The following C2orf76 variants were observed in gnomAD, a reference collection of about 807,000 sequenced individuals.
C2orf76 encodes chromosome 2 open reading frame 76.
Under a neutral mutation model 16.9 loss-of-function variants are expected in C2orf76, and 23 were observed. The observed-to-expected ratio is 1.36, with a 90% CI of 0.98 to 1.93. The LOEUF (loss-of-function observed/expected upper bound fraction) is 1.93. Ranked by LOEUF, C2orf76 falls within the 30% of genes most tolerant of loss-of-function variation. The probability of loss-of-function intolerance (pLI) is 0.00; values close to 1 mark genes in which losing one functional copy is unlikely to be tolerated. For synonymous variants in C2orf76, 48 were observed against 52.3 expected (o/e 0.92, Z 0.35); for missense variants, 152 against 152.6 (o/e 1.00, Z 0.02).
At chr2:119,311,076 G>T (rs185523504) in intron 5 of C2orf76, 2 of 806,016 alleles carry the variant, frequency 2.5e-6, no homozygotes, top group African/African-American at 1.9e-5. Context: ...CACAAAACAT[G>T]TCACATAACA....
chr2:119,365,842 A>G (rs1573704513), intron 1 of C2orf76, among the ~76,000 whole-genome samples: 1 of 151,978 alleles, frequency 6.6e-6, no homozygotes, highest in East Asian at 1.9e-4. Context: ...CCGTCTCCTC[A>G]TCCTCTTTTC....
the C2orf76 span, among the ~76,000 whole-genome samples, chr2:119,294,538 C>T: frequency 2.0e-5 from 3 of 151,936 alleles, no homozygotes; most frequent in East Asian, 1.9e-4. Context: ...AGCCCAGGCA[C>T]GAGGGAGGAC....
chr2:119,355,169 C>T (rs1325429607), intron 1 of C2orf76, among the ~76,000 whole-genome samples: 1 of 152,218 alleles, frequency 6.6e-6, no homozygotes, highest in African/African-American at 2.4e-5. Context: ...ATATTTCATA[C>T]ACTTTCTTAA....
At chr2:119,337,088 C>T (rs1173926033) in intron 2 of C2orf76, among the ~76,000 whole-genome samples, 2 of 150,864 alleles carry the variant, frequency 1.3e-5, no homozygotes, top group East Asian at 3.9e-4. Flanking sequence ...CACAGGCTTG[C>T]TCTGTGGTCC....
chr2:119,331,282 ACT>A (rs1679669567), intron 2 of C2orf76, among the ~76,000 whole-genome samples: 19 of 152,170 alleles, frequency 1.2e-4, no homozygotes, highest in Admixed American at 1.2e-3. Flanking sequence ...ATTTTGCTCT[ACT>A]ACTGCAGCAA....
intron 5 of C2orf76, among the ~76,000 whole-genome samples, chr2:119,309,847 T>A (rs1009073153): frequency 4.6e-5 from 7 of 152,238 alleles, no homozygotes; most frequent in Non-Finnish European, 8.8e-5. Flanking sequence ...TCCCCCTTTA[T>A]GGCTTCTGTC....
At position 119,302,930 on chromosome 2, in the gene C2orf76, G is replaced by T. The variant is rs566551091; in HGVS notation, c.305-382C>A. Among the ~76,000 whole-genome samples, 4 of 143,240 alleles carry T rather than the reference G, an allele frequency of 2.8e-5. No individual in the cohort carries two copies. In the East Asian group the frequency reaches 8.0e-4, roughly 29 times the overall value. 94.0% of individuals were successfully genotyped at this position (143,240 alleles called of 152,430 possible). A position where few individuals can be genotyped will look rare whatever the true frequency, so the allele number is the denominator to read the frequency against. ...TCAAATATGCTACTCAGGTACTGAA[G>T]GAAGGGGAGGGAAAACTCTTTTCCC... On this transcript the variant is annotated intron_variant, in intron 5 of 5. Transcript: ENST00000334816.
At chr2:119,307,917 C>T (rs1429274282) in intron 5 of C2orf76, among the ~76,000 whole-genome samples, 1 of 152,204 alleles carries the variant, frequency 6.6e-6, no homozygotes, top group Non-Finnish European at 1.5e-5. Context: ...CCAAACAAAG[C>T]AGTTGTTCCT....
At chr2:119,343,795 A>G (rs1351538746) in intron 1 of C2orf76, among the ~76,000 whole-genome samples, 1 of 152,148 alleles carries the variant, frequency 6.6e-6, no homozygotes, top group Non-Finnish European at 1.5e-5. Flanking sequence ...ACAAACAAAC[A>G]AAAAAACAAG....
At chr2:119,313,324 C>T (rs966966903) in intron 4 of C2orf76, among the ~76,000 whole-genome samples, 1 of 151,792 alleles carries the variant, frequency 6.6e-6, no homozygotes, top group Non-Finnish European at 1.5e-5. Flanking sequence ...ATAGGTAATA[C>T]AGTCTGTAAT....
chr2:119,356,852 G>A (rs1295670659), intron 1 of C2orf76, among the ~76,000 whole-genome samples: 4 of 151,766 alleles, frequency 2.6e-5, no homozygotes, highest in African/African-American at 9.7e-5. Context: ...AGGATAATAA[G>A]GGAATACTAT....
intron 2 of C2orf76, among the ~76,000 whole-genome samples, chr2:119,323,394 T>C (rs558711410): frequency 6.6e-6 from 1 of 152,302 alleles, no homozygotes; most frequent in Admixed American, 6.5e-5. Context: ...GATTAATTTA[T>C]GTTACAAGCA....
chr2:119,322,706 G>A (rs997309274), intron 2 of C2orf76, among the ~76,000 whole-genome samples: 2 of 152,104 alleles, frequency 1.3e-5, no homozygotes, highest in Admixed American at 6.6e-5. Flanking sequence ...GAAAAAGAAG[G>A]AAGCTCTCTA....
rs931269656 is a variant in C2orf76 at position 119,313,425 on chromosome 2, A to C, written c.223-1722T>G. 2.6e-4 allele frequency among the ~76,000 whole-genome samples: 38 copies of C among 145,042 alleles called. 1 individual carries two copies. Among genetic ancestry groups the C allele is most frequent in the Admixed American group, 1.0e-3 (15 of 14,570 alleles). ...CAAGATAGCAAGACCCGATCTCTAC[A>C]AAAAAAAAAAGTTTTATTTAATTAG... is the stretch of plus-strand genomic sequence containing the variant. On this transcript the variant is annotated intron_variant, in intron 4 of 5. Transcript: ENST00000334816.
chr2:119,339,714 AC>A, intron 2 of C2orf76, 112 bp downstream of exon 2: 1 of 1,205,594 alleles, frequency 8.3e-7, no homozygotes, highest in Non-Finnish European at 1.2e-6. Flanking sequence ...CTGGCTTGGA[AC>A]CCAGGTTAAT....
the C2orf76 span, among the ~76,000 whole-genome samples, chr2:119,286,819 G>A: frequency 6.6e-6 from 1 of 152,246 alleles, no homozygotes; most frequent in African/African-American, 2.4e-5. Flanking sequence ...GGGCAATGGC[G>A]GTGGGAAGGG....
chr2:119,366,547 G>A (rs1681007961), intron 1 of C2orf76: 1 of 468,322 alleles, frequency 2.1e-6, no homozygotes, highest in African/African-American at 2.0e-5. Context: ...TAGACCCCAA[G>A]GGAGGAGCGG....
intron 1 of C2orf76, among the ~76,000 whole-genome samples, chr2:119,350,054 CG>C: frequency 8.9e-6 from 1 of 112,040 alleles, no homozygotes; most frequent in Non-Finnish European, 1.9e-5. Context: ...TGAGCCACCA[CG>C]CCCCGCCCAC....
chr2:119,286,224 CAA>C, the C2orf76 span, among the ~76,000 whole-genome samples: 15 of 60,362 alleles, frequency 2.5e-4, no homozygotes, highest in African/African-American at 5.1e-4. Context: ...GACTCCATCT[CAA>C]AAAAAAAAAA....
Sources: gnomAD v4.1 joint callset for allele counts (sites outside exome capture counted in the v4.1 genomes callset) on GRCh38, gnomAD v4.1.1 for gene constraint, MANE v1.5 for transcripts, NCBI Gene and HGNC (gene_info 2026-07-23, HGNC 2026-07-21) for gene names.